The following LINC00632 variants were observed in gnomAD, a reference collection of about 807,000 sequenced individuals.
LINC00632 encodes the protein ALDOA related specific transcript.
At chrX:140,735,497 G>GA (rs1007691276) in intron 3 of LINC00632, among the ~76,000 whole-genome samples, 5 of 111,722 alleles carry the variant, frequency 4.5e-5, no homozygotes, top group African/African-American at 1.6e-4. Flanking sequence ...AAAAGGTTGT[G>GA]AAAATCAAAG....
chrX:140,729,509 C>T (rs903119603), intron 2 of LINC00632, among the ~76,000 whole-genome samples: 3 of 111,515 alleles, frequency 2.7e-5, no homozygotes, highest in Non-Finnish European at 5.6e-5. Context: ...ATAGTCTCAC[C>T]GCATGACTTC....
At chrX:140,759,590 G>T (rs1490904874) in intron 3 of LINC00632, among the ~76,000 whole-genome samples, 2 of 110,187 alleles carry the variant, frequency 1.8e-5, no homozygotes, top group African/African-American at 6.6e-5. Flanking sequence ...CAAACTCCTG[G>T]ACTCAAGTGA....
chrX:140,741,793 T>C (rs1931228991), intron 3 of LINC00632, among the ~76,000 whole-genome samples: 1 of 112,223 alleles, frequency 8.9e-6, no homozygotes, highest in Non-Finnish European at 1.9e-5. Context: ...CTATAGATGA[T>C]TGCCTTCTGT....
intron 2 of LINC00632, among the ~76,000 whole-genome samples, chrX:140,722,584 C>T (rs1005974615): frequency 1.6e-4 from 18 of 110,858 alleles, no homozygotes; most frequent in African/African-American, 5.3e-4. Context: ...AAATATCACC[C>T]GGATTCCCTC....
chrX:140,711,116 T>A (rs1930506447), intron 1 of LINC00632, among the ~76,000 whole-genome samples: 1 of 111,783 alleles, frequency 8.9e-6, no homozygotes, highest in South Asian at 3.8e-4. Context: ...GTATTTTGTC[T>A]TTGCTTCTAC....
chrX:140,712,773 C>A (rs762359543), intron 2 of LINC00632, among the ~76,000 whole-genome samples: 86 of 108,824 alleles, frequency 7.9e-4, no homozygotes, highest in South Asian at 8.2e-4. Flanking sequence ...TACCTATTAC[C>A]AACCCTCTCC....
intron 3 of LINC00632, among the ~76,000 whole-genome samples, chrX:140,751,962 C>T (rs188577691): frequency 3.1e-4 from 34 of 111,448 alleles, no homozygotes; most frequent in Admixed American, 3.0e-3. Flanking sequence ...TTCACCTTTG[C>T]CACAACCATT....
exon 5 of LINC00632, chrX:140,783,555 A>G: frequency 8.5e-7 from 1 of 1,176,843 alleles, no homozygotes; most frequent in Non-Finnish European, 1.1e-6. Flanking sequence ...GTCTTCCAGT[A>G]AATCTAGTTC....
At chrX:140,744,713 A>G (rs1444385065) in intron 3 of LINC00632, among the ~76,000 whole-genome samples, 1 of 109,087 alleles carries the variant, frequency 9.2e-6, no homozygotes. Flanking sequence ...GGGATTACAG[A>G]TGCACACCAC....
chrX:140,779,184 C>A (rs914092318), exon 5 of LINC00632, among the ~76,000 whole-genome samples: 56 of 109,099 alleles, frequency 5.1e-4, no homozygotes, highest in African/African-American at 1.8e-3. Flanking sequence ...TGGGTAAATT[C>A]TTGAGCTCAG....
exon 2 of LINC00632, chrX:140,711,630 G>A (rs1930515762): frequency 3.1e-6 from 1 of 317,761 alleles, no homozygotes; most frequent in Non-Finnish European, 6.3e-6. Context: ...GGAAAAATTC[G>A]TAGACATGGA....
At chrX:140,772,369 T>G in exon 4 of LINC00632, 1 of 296,643 alleles carries the variant, frequency 3.4e-6, no homozygotes, top group Non-Finnish European at 5.9e-6. Context: ...GTTAGCCTTT[T>G]TATTTGTCTT....
At chrX:140,777,339 G>C (rs1931886430) in exon 5 of LINC00632, among the ~76,000 whole-genome samples, 1 of 112,278 alleles carries the variant, frequency 8.9e-6, no homozygotes, top group African/African-American at 3.2e-5. Flanking sequence ...GGTTATGGTT[G>C]AGACTACAGA....
chrX:140,757,053 A>G (rs1400065097), intron 3 of LINC00632, among the ~76,000 whole-genome samples: 1 of 110,892 alleles, frequency 9.0e-6, no homozygotes, highest in Non-Finnish European at 1.9e-5. Flanking sequence ...CTGCCAAGGA[A>G]GAACGTTTTT....
exon 5 of LINC00632, among the ~76,000 whole-genome samples, chrX:140,788,059 T>C (rs1382597992): frequency 1.8e-5 from 2 of 110,256 alleles, no homozygotes; most frequent in Admixed American, 9.8e-5. Flanking sequence ...ATATCCTTTT[T>C]ATATTATTCA....
exon 5 of LINC00632, among the ~76,000 whole-genome samples, chrX:140,778,753 T>A (rs1203707510): frequency 2.7e-5 from 3 of 112,115 alleles, no homozygotes; most frequent in Non-Finnish European, 5.6e-5. Flanking sequence ...CTAGGAACTC[T>A]TAATATAAAT....
At chrX:140,761,061 T>C (rs766922490) in intron 3 of LINC00632, among the ~76,000 whole-genome samples, 73 of 112,605 alleles carry the variant, frequency 6.5e-4, no homozygotes, top group African/African-American at 2.3e-3. Flanking sequence ...CCAGGAGGCT[T>C]GTTCACAAGA....
In LINC00632 at chrX:140,743,224, C is replaced by CAAAAAAAAAAAAAAAAAAAA. The variant is rs58322122; in HGVS notation, n.191+9277_191+9296dup. 6.8e-5 allele frequency among the ~76,000 whole-genome samples: 3 copies of CAAAAAAAAAAAAAAAAAAAA among 44,355 alleles called. 1 individual carries two copies. Among genetic ancestry groups the CAAAAAAAAAAAAAAAAAAAA allele is most frequent in the African/African-American group, 4.7e-4 (3 of 6,429 alleles). 38.5% of individuals were successfully genotyped at this position (44,355 alleles called of 115,157 possible). A position where few individuals can be genotyped will look rare whatever the true frequency, so the allele number is the denominator to read the frequency against. On this transcript the variant is annotated intron_variant and non_coding_transcript_variant, in intron 3 of 4. Coordinates refer to ENST00000648200, the Ensembl canonical transcript of LINC00632. The stretch of plus-strand genomic sequence containing the variant: ...TGGGCGACAGAGCAAAACGCTGTCT[C>CAAAAAAAAAAAAAAAAAAAA]AAAAAAAAAAAAAAAAAAAAAAAAA...
At chrX:140,773,167 A>T (rs1312569731) in exon 4 of LINC00632, among the ~76,000 whole-genome samples, 1 of 108,898 alleles carries the variant, frequency 9.2e-6, no homozygotes, top group Non-Finnish European at 1.9e-5. Flanking sequence ...GCTCTGTCTC[A>T]AAAAAAGAAA....
Sources: allele counts gnomAD v4.1 joint callset (sites outside exome capture counted in the v4.1 genomes callset), GRCh38; gene constraint gnomAD v4.1.1; transcripts MANE v1.5; gene names NCBI Gene and HGNC (gene_info 2026-07-23, HGNC 2026-07-21).